Variants in NRG1 observed in about 807,000 individuals in gnomAD.
NRG1 encodes pro-neuregulin-1, membrane-bound isoform.
Under a neutral mutation model 63.8 loss-of-function variants are expected in NRG1, and 18 were observed. The observed-to-expected ratio is 0.28, with a 90% confidence interval of 0.19 to 0.42. The LOEUF is 0.42. Ranked by LOEUF, NRG1 falls within the 10% of genes least tolerant of loss-of-function variation. The pLI, the probability that NRG1 is intolerant of heterozygous loss-of-function variation, is 1.00. For synonymous variants in NRG1, 302 were observed against 301.3 expected (o/e 1.00, Z -0.02); for missense variants, 762 against 814.7 (o/e 0.94, Z 0.79).
At chr8:32,094,013 C>T (rs1829555604) in intron 1 of NRG1, among the ~76,000 whole-genome samples, 1 of 152,134 alleles carries the variant, frequency 6.6e-6, no homozygotes, top group Non-Finnish European at 1.5e-5. Flanking sequence ...AGGATGTCTG[C>T]AGCAGAGTGG....
intron 1 of NRG1, chr8:32,099,414 C>G (rs1235258514): frequency 1.3e-5 from 2 of 152,428 alleles, no homozygotes; most frequent in Admixed American, 6.5e-5. Flanking sequence ...ACAAGTGTGG[C>G]ATCTCATGTA....
intron 1 of NRG1, among the ~76,000 whole-genome samples, chr8:32,530,013 AG>A (rs1310622109): frequency 1.3e-5 from 2 of 152,208 alleles, no homozygotes; most frequent in African/African-American, 4.8e-5. Flanking sequence ...GCAGGACAGT[AG>A]GTTTGTTTAC....
chr8:32,647,860 C>A (rs201376273), intron 5 of NRG1: 71 of 1,614,046 alleles, frequency 4.4e-5, no homozygotes, highest in Non-Finnish European at 5.8e-5. Flanking sequence ...GATGGGAGAA[C>A]CCCTGGACTC....
At chr8:31,673,904 C>A (rs530154397) in intron 1 of NRG1, among the ~76,000 whole-genome samples, 195 of 151,790 alleles carry the variant, frequency 1.3e-3, no homozygotes, top group Non-Finnish European at 1.8e-3. Flanking sequence ...ACACCATAAT[C>A]TAATTTTAGA....
intron 1 of NRG1, among the ~76,000 whole-genome samples, chr8:32,553,484 A>G (rs746742089): frequency 1.3e-5 from 2 of 152,140 alleles, no homozygotes; most frequent in Non-Finnish European, 2.9e-5. Flanking sequence ...AAATTCCATA[A>G]CTGCATATAT....
At chr8:32,157,437 G>A (rs1319472251) in intron 1 of NRG1, among the ~76,000 whole-genome samples, 2 of 150,778 alleles carry the variant, frequency 1.3e-5, no homozygotes, top group African/African-American at 2.4e-5. Context: ...CGAGGCGGGC[G>A]GATCACAATG....
chr8:32,101,087 C>G lies in NRG1; in HGVS notation c.37+461656C>G, dbSNP rs375707879. Reference sequence around the variant, plus strand: ...TCATTTCTGACTATTAAATTATACCCCAAATAGAATATGTAACTACATGTA... The same window carrying G: ...TCATTTCTGACTATTAAATTATACCGCAAATAGAATATGTAACTACATGTA... On this transcript the variant is annotated intron_variant, in intron 1 of 10. Coordinates refer to the NRG1 transcript ENST00000519301. 3.2e-4 allele frequency among the ~76,000 whole-genome samples: 49 copies of G among 152,218 alleles called. 2 individuals are homozygous for G. The highest frequency in any genetic ancestry group is 1.1e-3 in the African/African-American group (46 of 41,534).
chr8:31,927,251 G>T (rs1208058825), intron 1 of NRG1, among the ~76,000 whole-genome samples: 3 of 151,916 alleles, frequency 2.0e-5, no homozygotes, highest in Non-Finnish European at 4.4e-5. Flanking sequence ...TTAGAGGGGT[G>T]GTTCCCAAAA....
chr8:31,654,003 G>A (rs1805169747), intron 1 of NRG1, among the ~76,000 whole-genome samples: 1 of 150,832 alleles, frequency 6.6e-6, no homozygotes, highest in Admixed American at 6.6e-5. Flanking sequence ...TGATAAAGCT[G>A]CCTGTAAAAG....
At chr8:32,608,083 G>GTTTTTTT (rs372730003) in intron 3 of NRG1, among the ~76,000 whole-genome samples, 3 of 99,330 alleles carry the variant, frequency 3.0e-5, no homozygotes, top group African/African-American at 1.3e-4. Context: ...ATGAACCCAG[G>GTTTTTTT]TTTTTTTTGT....
intron 1 of NRG1, among the ~76,000 whole-genome samples, chr8:32,399,214 G>A (rs1396938812): frequency 6.6e-6 from 1 of 152,136 alleles, no homozygotes; most frequent in African/African-American, 2.4e-5. Context: ...CATTGAGGGG[G>A]ATTAATTAGG....
intron 1 of NRG1, among the ~76,000 whole-genome samples, chr8:32,487,302 A>G (rs73577992): frequency 1.3e-5 from 2 of 152,258 alleles, no homozygotes; most frequent in African/African-American, 4.8e-5. Context: ...GACCCCACCT[A>G]TTGCTCAATT....
At chr8:32,143,913 ATTTCATAT>A (rs1267467157) in intron 1 of NRG1, among the ~76,000 whole-genome samples, 2 of 152,180 alleles carry the variant, frequency 1.3e-5, no homozygotes, top group African/African-American at 4.8e-5. Context: ...TCGCACTTTG[ATTTCATAT>A]CTTGCTATGC....
chr8:31,771,114 A>G (rs1334823416), intron 1 of NRG1, among the ~76,000 whole-genome samples: 1 of 152,190 alleles, frequency 6.6e-6, no homozygotes, highest in Non-Finnish European at 1.5e-5. Context: ...CTCTTCAATC[A>G]TCCCAAAGGA....
intron 7 of NRG1, among the ~76,000 whole-genome samples, chr8:32,753,470 CTACAT>C (rs1829102023): frequency 6.6e-6 from 1 of 152,212 alleles, no homozygotes; most frequent in African/African-American, 2.4e-5. Context: ...TTAGTATAAT[CTACAT>C]TAGCTCATTT....
intron 6 of NRG1, among the ~76,000 whole-genome samples, chr8:32,736,898 A>T (rs541942990): frequency 6.6e-6 from 1 of 152,324 alleles, no homozygotes; most frequent in East Asian, 1.9e-4. Context: ...TCCACCAAGA[A>T]AAAATGGAAA....
intron 5 of NRG1, among the ~76,000 whole-genome samples, chr8:32,702,464 T>G (rs921364812): frequency 3.9e-5 from 6 of 152,212 alleles, no homozygotes; most frequent in Admixed American, 3.9e-4. Context: ...TGGATTAATA[T>G]ATGATTCTCT....
intron 1 of NRG1, among the ~76,000 whole-genome samples, chr8:32,072,557 GT>G (rs146545184): frequency 6.6e-6 from 1 of 151,964 alleles, no homozygotes; most frequent in Non-Finnish European, 1.5e-5. Flanking sequence ...TCTTTTAATT[GT>G]TTTTTACAAA....
chr8:32,421,397 C>T (rs908534989), intron 1 of NRG1, among the ~76,000 whole-genome samples: 1 of 152,192 alleles, frequency 6.6e-6, no homozygotes, highest in Admixed American at 6.5e-5. Context: ...TGGCCAACAT[C>T]TGCCCTTCTC....
Sources: gnomAD v4.1 joint callset for allele counts (sites outside exome capture counted in the v4.1 genomes callset) on GRCh38, gnomAD v4.1.1 for gene constraint, MANE v1.5 for transcripts, NCBI Gene and HGNC (gene_info 2026-07-23, HGNC 2026-07-21) for gene names.